Variants in TOX observed in about 807,000 individuals in gnomAD.
TOX encodes the protein thymocyte selection associated high mobility group box.
A neutral mutation model predicts 53.7 loss-of-function variants in TOX; 11 were observed. The observed-to-expected ratio is 0.20, with a 90% confidence interval of 0.13 to 0.34. TOX has a LOEUF of 0.34. TOX is among the 10% of genes least tolerant of loss of function. The pLI, the probability that TOX is intolerant of heterozygous loss-of-function variation, is 1.00. For synonymous variants in TOX, 225 were observed against 245.3 expected, an observed-to-expected ratio of 0.92 and a Z score of 0.77; for missense variants, 570 against 664.6, an observed-to-expected ratio of 0.86 and a Z score of 1.56.
At chr8:59,030,765 A>G (rs1814340731) in intron 1 of TOX, among the ~76,000 whole-genome samples, 1 of 152,224 alleles carries the variant, frequency 6.6e-6, no homozygotes, top group Non-Finnish European at 1.5e-5. Context: ...CAATGTTTAC[A>G]CTATGGCCAC....
At chr8:58,965,959 C>T (rs142733833) in intron 1 of TOX, among the ~76,000 whole-genome samples, 1 of 111,450 alleles carries the variant, frequency 9.0e-6, no homozygotes, top group Non-Finnish European at 1.7e-5. Flanking sequence ...GCAATGAAGA[C>T]TTTGTTGTTT....
chr8:58,967,024 G>A (rs1424664376), intron 1 of TOX, among the ~76,000 whole-genome samples: 3 of 151,920 alleles, frequency 2.0e-5, no homozygotes, highest in Non-Finnish European at 4.4e-5. Context: ...ACGGGCGCCC[G>A]CCACCACGCC....
At position 59,104,267 on chromosome 8, in the gene TOX, T is replaced by A. The variant is rs538807441; in HGVS notation, c.102+14619A>T. ...CACAGTTCTAATCTTTTCACGCCCC[T>A]TAATCCTAAACTGTACCTGGCTCTC... On this transcript the variant is annotated intron_variant, in intron 1 of 8. Transcript: ENST00000361421. Among the ~76,000 whole-genome samples, 3 of 152,250 alleles carry A rather than the reference T, an allele frequency of 2.0e-5. No individual in the cohort carries two copies. The East Asian group carries it at 5.8e-4, about 29-fold the overall frequency.
intron 4 of TOX, among the ~76,000 whole-genome samples, chr8:58,842,774 C>A (rs1810666260): frequency 6.6e-6 from 1 of 152,174 alleles, no homozygotes; most frequent in African/African-American, 2.4e-5. Flanking sequence ...ATGAAAACCA[C>A]CAGTTATCAT....
At chr8:59,029,348 C>T (rs1236943939) in intron 1 of TOX, among the ~76,000 whole-genome samples, 1 of 150,708 alleles carries the variant, frequency 6.6e-6, no homozygotes, top group Non-Finnish European at 1.5e-5. Context: ...TGAACACTAA[C>T]AAAGTGCATA....
chr8:58,950,636 CG>C (rs1812606462), intron 2 of TOX, among the ~76,000 whole-genome samples: 1 of 152,046 alleles, frequency 6.6e-6, no homozygotes, highest in African/African-American at 2.4e-5. Context: ...AGTTTAATGA[CG>C]ATAAGAACCC....
chr8:58,976,824 G>C (rs1204734623), intron 1 of TOX, among the ~76,000 whole-genome samples: 1 of 152,220 alleles, frequency 6.6e-6, no homozygotes, highest in Non-Finnish European at 1.5e-5. Context: ...CTTGTTAGTA[G>C]TGGTTGGGAA....
In TOX at chr8:59,008,116, A is replaced by G. The variant is rs547516936; in HGVS notation, c.103-48108T>C. Among the ~76,000 whole-genome samples, 10 of 152,252 alleles carry G rather than the reference A, an allele frequency of 6.6e-5. No individual in the cohort carries two copies. The South Asian group carries it at 2.1e-3, about 32-fold the overall frequency. On this transcript the variant is annotated intron_variant, in intron 1 of 8. Transcript: ENST00000361421. ...TTTCTTCCACTCATCAGTTTCTTTC[A>G]TCAAATGAAAACAGTTTTTCTTGGA... is the stretch of plus-strand genomic sequence containing the variant.
At chr8:58,896,134 T>G (rs368756826) in intron 3 of TOX, among the ~76,000 whole-genome samples, 1 of 152,152 alleles carries the variant, frequency 6.6e-6, no homozygotes, top group Non-Finnish European at 1.5e-5. Context: ...TACGTTTGGC[T>G]ATGTCAAAAA....
At chr8:58,978,121 T>A (rs2129416615) in intron 1 of TOX, among the ~76,000 whole-genome samples, 1 of 152,288 alleles carries the variant, frequency 6.6e-6, no homozygotes, top group African/African-American at 2.4e-5. Flanking sequence ...GTTAATAACA[T>A]TATGAGTTTT....
chr8:59,092,464 A>C (rs1042698801), intron 1 of TOX, among the ~76,000 whole-genome samples: 5 of 150,002 alleles, frequency 3.3e-5, no homozygotes, highest in African/African-American at 1.2e-4. Flanking sequence ...TCCTGTCCTC[A>C]TAAATGCATT....
At chr8:58,952,337 T>G (rs1812635122) in intron 2 of TOX, among the ~76,000 whole-genome samples, 1 of 152,256 alleles carries the variant, frequency 6.6e-6, no homozygotes. Flanking sequence ...ATTACTATTC[T>G]TAAATTGAAG....
intron 1 of TOX, among the ~76,000 whole-genome samples, chr8:59,088,767 G>A (rs1364259809): frequency 1.3e-5 from 2 of 152,142 alleles, no homozygotes; most frequent in East Asian, 3.9e-4. Context: ...AGAAAAGCTG[G>A]AGCATTCACA....
At chr8:58,959,466 C>G (rs1041115207) in intron 2 of TOX, among the ~76,000 whole-genome samples, 3 of 152,154 alleles carry the variant, frequency 2.0e-5, no homozygotes, top group Non-Finnish European at 2.9e-5. Context: ...CCCCAGCCCC[C>G]ACTCCTTACC....
intron 3 of TOX, among the ~76,000 whole-genome samples, chr8:58,866,538 C>T (rs1170440868): frequency 6.6e-6 from 1 of 152,224 alleles, no homozygotes; most frequent in Non-Finnish European, 1.5e-5. Context: ...CTTTTCTTAA[C>T]CAATGCCCCC....
chr8:58,944,502 G>A (rs929094861), intron 2 of TOX, among the ~76,000 whole-genome samples: 1 of 152,168 alleles, frequency 6.6e-6, no homozygotes. Context: ...TGGACTAGGC[G>A]AGAATACGCA....
At chr8:58,862,951 C>T (rs1811035674) in intron 3 of TOX, among the ~76,000 whole-genome samples, 1 of 152,078 alleles carries the variant, frequency 6.6e-6, no homozygotes, top group African/African-American at 2.4e-5. Flanking sequence ...TCCATGTCCA[C>T]TAACATAGAC....
At chr8:58,995,118 T>C (rs907263806) in intron 1 of TOX, among the ~76,000 whole-genome samples, 1 of 152,184 alleles carries the variant, frequency 6.6e-6, no homozygotes, top group African/African-American at 2.4e-5. Flanking sequence ...TCATCACCAA[T>C]ATCACCACCA....
intron 5 of TOX, among the ~76,000 whole-genome samples, chr8:58,831,213 G>C (rs1810448163): frequency 6.6e-6 from 1 of 152,072 alleles, no homozygotes; most frequent in Non-Finnish European, 1.5e-5. Flanking sequence ...CCGAACCGAG[G>C]TCCTTGCCTG....
Sources: gnomAD v4.1 joint callset for allele counts (sites outside exome capture counted in the v4.1 genomes callset) on GRCh38, gnomAD v4.1.1 for gene constraint, MANE v1.5 for transcripts, NCBI Gene and HGNC (gene_info 2026-07-23, HGNC 2026-07-21) for gene names.